KCNB2: variants seen among roughly 807,000 people sequenced by gnomAD.
KCNB2 encodes the protein potassium voltage-gated channel subfamily B member 2.
A neutral mutation model predicts 61.5 loss-of-function variants in KCNB2; 15 were observed. That is an observed-to-expected ratio of 0.24 (90% CI 0.16 to 0.38). The LOEUF is 0.38. KCNB2 is among the 10% of genes least tolerant of loss of function. KCNB2 has a pLI of 1.00. For synonymous variants in KCNB2, 457 were observed against 446.0 expected (o/e 1.02, Z -0.31); for missense variants, 828 against 1,125.2 (o/e 0.74, Z 3.78).
intron 2 of KCNB2, among the ~76,000 whole-genome samples, chr8:72,922,580 A>G (rs1206095493): frequency 6.6e-6 from 1 of 152,226 alleles, no homozygotes; most frequent in East Asian, 1.9e-4. Context: ...CATGGTGGAA[A>G]AGGCAGGAAT....
intron 2 of KCNB2, among the ~76,000 whole-genome samples, chr8:72,757,087 G>A (rs1808302287): frequency 6.6e-6 from 1 of 152,082 alleles, no homozygotes; most frequent in South Asian, 2.1e-4. Context: ...AAGTGGAGTG[G>A]AAAGGACAGA....
At chr8:72,818,693 G>C (rs1463879334) in intron 2 of KCNB2, among the ~76,000 whole-genome samples, 1 of 152,090 alleles carries the variant, frequency 6.6e-6, no homozygotes, top group African/African-American at 2.4e-5. Flanking sequence ...TTTAGGCTCT[G>C]TATTTCCCTT....
At chr8:72,637,166 G>T (rs1805979368) in intron 2 of KCNB2, among the ~76,000 whole-genome samples, 1 of 152,112 alleles carries the variant, frequency 6.6e-6, no homozygotes, top group African/African-American at 2.4e-5. Flanking sequence ...CTCAGTTTCT[G>T]CTAACAATAA....
At chr8:72,680,340 T>A (rs1806731201) in intron 2 of KCNB2, among the ~76,000 whole-genome samples, 1 of 152,184 alleles carries the variant, frequency 6.6e-6, no homozygotes, top group Admixed American at 6.5e-5. Context: ...AAAGGTCAGA[T>A]ATGTACATGG....
intron 2 of KCNB2, among the ~76,000 whole-genome samples, chr8:72,619,889 G>T (rs1247756601): frequency 6.6e-6 from 1 of 152,276 alleles, no homozygotes; most frequent in African/African-American, 2.4e-5. Context: ...ATACCTTAGA[G>T]CTGTGGTAAC....
chr8:72,849,254 G>A (rs916948046), intron 2 of KCNB2, among the ~76,000 whole-genome samples: 2 of 151,446 alleles, frequency 1.3e-5, no homozygotes, highest in Non-Finnish European at 2.9e-5. Flanking sequence ...AGGGTACATG[G>A]TGCTGTTTCA....
intron 2 of KCNB2, among the ~76,000 whole-genome samples, chr8:72,845,079 T>C (rs537390505): frequency 6.6e-6 from 1 of 152,362 alleles, no homozygotes; most frequent in Non-Finnish European, 1.5e-5. Flanking sequence ...CTTGGATTTA[T>C]CTACCTTAGG....
Position 72,626,013 on chromosome 8 carries a change from A to G in KCNB2, c.579+57700A>G, listed in dbSNP as rs535418973. Among the ~76,000 whole-genome samples the G allele has an allele frequency of 4.6e-5, 7 of 152,338 alleles. No individual in the cohort carries two copies. The South Asian group carries it at 8.3e-4, about 18-fold the overall frequency. ...AAAAGTCACCAAAATAAGAAAAGCA[A>G]TTTCAAAATCAGCTTATTGATTTGA... On this transcript the variant is annotated intron_variant, in intron 2 of 2. Transcript: ENST00000523207.
intron 2 of KCNB2, among the ~76,000 whole-genome samples, chr8:72,715,714 G>T (rs529493296): frequency 2.4e-4 from 36 of 152,260 alleles, no homozygotes; most frequent in Admixed American, 5.9e-4. Context: ...AAGCAGGAAA[G>T]ATCTAAAATT....
chr8:72,905,209 A>T (rs988809328), intron 2 of KCNB2, among the ~76,000 whole-genome samples: 2 of 152,196 alleles, frequency 1.3e-5, no homozygotes, highest in African/African-American at 4.8e-5. Context: ...TTTAAAGCTC[A>T]CCGCAGACTG....
At chr8:72,752,443 A>T (rs1232488356) in intron 2 of KCNB2, among the ~76,000 whole-genome samples, 1 of 152,146 alleles carries the variant, frequency 6.6e-6, no homozygotes, top group African/African-American at 2.4e-5. Context: ...GAGGGTCTGA[A>T]TAGAACAATA....
chr8:72,920,212 T>C (rs894827668), intron 2 of KCNB2, among the ~76,000 whole-genome samples: 1 of 151,782 alleles, frequency 6.6e-6, no homozygotes, highest in Non-Finnish European at 1.5e-5. Context: ...TTTCTTATTT[T>C]GAGACAAATC....
chr8:72,671,627 C>T (rs1806567270), intron 2 of KCNB2, among the ~76,000 whole-genome samples: 1 of 152,140 alleles, frequency 6.6e-6, no homozygotes, highest in Admixed American at 6.6e-5. Context: ...TCCATCCTTT[C>T]CTGTATCTAG....
chr8:72,651,674 G>T (rs1339164878), intron 2 of KCNB2, among the ~76,000 whole-genome samples: 2 of 151,802 alleles, frequency 1.3e-5, no homozygotes, highest in African/African-American at 2.4e-5. Flanking sequence ...TTTGAAAAAT[G>T]CTCCTATTTT....
intron 2 of KCNB2, among the ~76,000 whole-genome samples, chr8:72,608,547 A>G (rs1805489859): frequency 6.6e-6 from 1 of 152,042 alleles, no homozygotes; most frequent in South Asian, 2.1e-4. Context: ...TGGGGAAGTA[A>G]AGGCTGTAAG....
intron 2 of KCNB2, among the ~76,000 whole-genome samples, chr8:72,691,259 TG>T (rs1445519609): frequency 7.9e-5 from 12 of 152,222 alleles, no homozygotes; most frequent in African/African-American, 2.9e-4. Context: ...AAAATGAAGT[TG>T]TGTAACTGTG....
In KCNB2 at chr8:72,559,128, G is replaced by A. The variant is rs139248648; in HGVS notation, c.-93-8514G>A. On this transcript the variant is annotated intron_variant, in intron 1 of 2. Coordinates refer to ENST00000523207, the MANE Select transcript of KCNB2 (RefSeq NM_004770.3). ...TCTTTTTCTTTCTTTATTTTATTTT[G>A]TTTTATTTTATTTTATTTTATTATT... Among the ~76,000 whole-genome samples the A allele has an allele frequency of 5.8e-3, 884 of 151,628 alleles. 6 individuals are homozygous for A. Among genetic ancestry groups the A allele is most frequent in the African/African-American group, 0.02 (833 of 41,252 alleles).
intron 2 of KCNB2, among the ~76,000 whole-genome samples, chr8:72,631,234 G>A (rs1048976737): frequency 1.1e-4 from 17 of 152,150 alleles, no homozygotes; most frequent in African/African-American, 3.9e-4. Context: ...GGAGACTGCT[G>A]TAACACAAAC....
chr8:72,814,225 A>G (rs1809352209), intron 2 of KCNB2, among the ~76,000 whole-genome samples: 1 of 152,202 alleles, frequency 6.6e-6, no homozygotes, highest in African/African-American at 2.4e-5. Context: ...TGAATATATC[A>G]CAATTTATCC....
Sources: allele counts gnomAD v4.1 joint callset (sites outside exome capture counted in the v4.1 genomes callset), GRCh38; gene constraint gnomAD v4.1.1; transcripts MANE v1.5; gene names NCBI Gene and HGNC (gene_info 2026-07-23, HGNC 2026-07-21).